The following OTUD7A variants were observed in gnomAD, a reference collection of about 807,000 sequenced individuals.
OTUD7A encodes OTU deubiquitinase 7A, also known as OTU domain-containing protein 7A.
OTUD7A carries 12 observed loss-of-function variants against 65.7 expected under a neutral mutation model. The ratio of observed to expected loss-of-function variants is 0.18; its 90% CI spans 0.12 to 0.30. OTUD7A has a LOEUF of 0.30. Among genes scored for constraint, OTUD7A ranks in the 10% least tolerant of loss-of-function variants. OTUD7A has a pLI of 1.00. For synonymous variants in OTUD7A, 641 were observed against 586.3 expected (o/e 1.09, Z -1.35); for missense variants, 1,148 against 1,304.8 (o/e 0.88, Z 1.85).
At chr15:31,615,620 C>T (rs997353756) in intron 3 of OTUD7A, among the ~76,000 whole-genome samples, 2 of 152,154 alleles carry the variant, frequency 1.3e-5, no homozygotes, top group Non-Finnish European at 2.9e-5. Context: ...ATCACTGCAC[C>T]AAGAATCACA....
chr15:31,637,100 T>C (rs1286081732), intron 3 of OTUD7A, among the ~76,000 whole-genome samples: 2 of 152,220 alleles, frequency 1.3e-5, no homozygotes, highest in Non-Finnish European at 2.9e-5. Context: ...ATACAACAGA[T>C]GTTCAATGTA....
rs1344816405 is a variant in OTUD7A, at chr15:31,479,937, G to A, written c.*3357C>T. On this transcript the variant is annotated 3_prime_UTR_variant, in exon 13 of 13. Transcript: ENST00000307050. ...TACAAAGTATTCATTTAAGAGGAAAGGTGCAGTACCAAAATCCATGAACAG... is the reference window on the plus strand; with the variant it reads ...TACAAAGTATTCATTTAAGAGGAAAAGTGCAGTACCAAAATCCATGAACAG... 1 of 152,170 alleles carries A rather than the reference G, an allele frequency of 6.6e-6. No homozygotes were observed. Among genetic ancestry groups the A allele is most frequent in the East Asian group, 1.9e-4 (1 of 5,198 alleles). The allele number at this position is 152,170 out of a possible 1,614,324, so 9.4% of individuals were successfully genotyped here. A position where few individuals can be genotyped will look rare whatever the true frequency, so the allele number is the denominator to read the frequency against.
intron 1 of OTUD7A, among the ~76,000 whole-genome samples, chr15:31,830,919 T>A (rs942393589): frequency 7.2e-5 from 11 of 152,222 alleles, no homozygotes; most frequent in Non-Finnish European, 1.5e-4. Context: ...AAGTTTGGGA[T>A]GTTAGTACAA....
chr15:31,612,644 A>T (rs561679449), intron 3 of OTUD7A, among the ~76,000 whole-genome samples: 1 of 152,356 alleles, frequency 6.6e-6, no homozygotes, highest in Admixed American at 6.5e-5. Flanking sequence ...TAAATCATAG[A>T]TGACACAAAC....
rs372172398 is a variant in OTUD7A at position 31,526,357 on chromosome 15, C to A, written c.885G>T (p.Thr295=). Residue 295 remains threonine, a synonymous_variant, in exon 8 of 13, where the codon ACG becomes ACT. Coordinates refer to ENST00000307050, the MANE Select transcript of OTUD7A (RefSeq NM_001382637.1). ...GCAGGGGCAGCACTTACCCCCCGCC[C>A]GTGCCGCCATTCTTGCTGAAGTGTG... is the stretch of plus-strand genomic sequence containing the variant. ...PRTHFSKNGG[T]GGGVDNSEDP... The A allele has an allele frequency of 6.3e-7, 1 of 1,594,494 alleles. No individual in the cohort carries two copies. The highest frequency in any genetic ancestry group is 8.5e-7 in the Non-Finnish European group (1 of 1,175,356).
intron 1 of OTUD7A, among the ~76,000 whole-genome samples, chr15:31,660,767 T>TG (rs1217505134): frequency 1.2e-4 from 18 of 152,238 alleles, no homozygotes; most frequent in Admixed American, 2.6e-4. Context: ...GGAATGTCTG[T>TG]GGGGCACATT....
intron 1 of OTUD7A, among the ~76,000 whole-genome samples, chr15:31,701,413 A>C (rs1893210899): frequency 6.6e-6 from 1 of 151,570 alleles, no homozygotes; most frequent in African/African-American, 2.4e-5. Flanking sequence ...TAATTTAAAA[A>C]TATATTTAAA....
In OTUD7A at chr15:31,667,980, T is replaced by C. The variant is rs185657696; in HGVS notation, c.-99-10903A>G. Among the ~76,000 whole-genome samples, 1,404 of 152,328 alleles carry C rather than the reference T, an allele frequency of 9.2e-3. 9 individuals carry two copies. The highest frequency in any genetic ancestry group is 0.014 in the Non-Finnish European group (958 of 68,020). Reference sequence around the variant, plus strand: ...ATACTGAAGATAGGGCCCCAATCCCTTCTAGCTTGTAGGGTTTCTGCTGAG... The same window carrying C: ...ATACTGAAGATAGGGCCCCAATCCCCTCTAGCTTGTAGGGTTTCTGCTGAG... On this transcript the variant is annotated intron_variant, in intron 1 of 12. Transcript: ENST00000307050.
chr15:31,736,401 T>A (rs568011896), intron 1 of OTUD7A, among the ~76,000 whole-genome samples: 1 of 152,192 alleles, frequency 6.6e-6, no homozygotes, highest in Non-Finnish European at 1.5e-5. Context: ...AGATGTTTAA[T>A]ATTTTCCATA....
At chr15:31,718,696 A>C (rs77145770) in intron 1 of OTUD7A, among the ~76,000 whole-genome samples, 27,786 of 94,190 alleles carry the variant, frequency 0.29, 6,076 homozygotes, top group Middle Eastern at 0.58. Context: ...TAAACAGCCC[A>C]CTTAGAAGCT....
At chr15:31,669,024 T>C (rs1423497403) in intron 1 of OTUD7A, among the ~76,000 whole-genome samples, 4 of 152,230 alleles carry the variant, frequency 2.6e-5, no homozygotes, top group African/African-American at 9.7e-5. Flanking sequence ...GTCTTAGCTG[T>C]GGACACCAGC....
rs370757658 is a variant in OTUD7A at position 31,818,657 on chromosome 15, T to C, written c.-100+51850A>G. 7.9e-4 allele frequency among the ~76,000 whole-genome samples: 120 copies of C among 152,302 alleles called. 1 individual carries two copies. The highest frequency in any genetic ancestry group is 2.7e-3 in the African/African-American group (113 of 41,578). On this transcript the variant is annotated intron_variant, in intron 1 of 12. Coordinates refer to ENST00000307050, the MANE Select transcript of OTUD7A (RefSeq NM_001382637.1). ...CAGCCACTGTGCAGTGGCTGCTCTT[T>C]GGACCTGCAGTGTGACAGCCCCTGC...
chr15:31,852,239 T>G (rs1378693454), intron 1 of OTUD7A, among the ~76,000 whole-genome samples: 1 of 152,130 alleles, frequency 6.6e-6, no homozygotes, highest in East Asian at 1.9e-4. Flanking sequence ...TTCACACCAC[T>G]TGCTGGCAGG....
chr15:31,563,083 C>A (rs2141163447), intron 4 of OTUD7A, among the ~76,000 whole-genome samples: 1 of 151,838 alleles, frequency 6.6e-6, no homozygotes, highest in Non-Finnish European at 1.5e-5. Context: ...TAAATGATAT[C>A]TAAGAAAAGT....
chr15:31,765,547 G>A (rs570030414), intron 1 of OTUD7A, among the ~76,000 whole-genome samples: 2 of 152,272 alleles, frequency 1.3e-5, no homozygotes, highest in African/African-American at 4.8e-5. Flanking sequence ...AAAAGTATAT[G>A]TTATGTGCTC....
At chr15:31,766,046 T>C (rs563797656) in intron 1 of OTUD7A, 60 of 1,552,862 alleles carry the variant, frequency 3.9e-5, no homozygotes, top group African/African-American at 3.0e-4. Flanking sequence ...AAGGAGCAAA[T>C]AGTCCATCTC....
intron 1 of OTUD7A, among the ~76,000 whole-genome samples, chr15:31,675,101 GA>G (rs537762884): frequency 1.1e-4 from 16 of 144,332 alleles, no homozygotes; most frequent in South Asian, 8.8e-4. Flanking sequence ...AGAGGCAATA[GA>G]AAAAAAAAAC....
intron 1 of OTUD7A, among the ~76,000 whole-genome samples, chr15:31,846,522 G>T (rs577945934): frequency 1.3e-5 from 2 of 152,222 alleles, no homozygotes; most frequent in South Asian, 4.2e-4. Context: ...GGCAGGAACT[G>T]GTATGGCTCA....
intron 1 of OTUD7A, among the ~76,000 whole-genome samples, chr15:31,763,951 G>A (rs1309997329): frequency 1.3e-5 from 2 of 152,138 alleles, no homozygotes; most frequent in African/African-American, 4.8e-5. Flanking sequence ...TTCAAGAATG[G>A]GGAGGAAACA....
Sources: allele counts gnomAD v4.1 joint callset (sites outside exome capture counted in the v4.1 genomes callset), GRCh38; gene constraint gnomAD v4.1.1; transcripts MANE v1.5; gene names NCBI Gene and HGNC (gene_info 2026-07-23, HGNC 2026-07-21).